CLVS1: variants seen among roughly 807,000 people sequenced by gnomAD.
CLVS1 encodes the protein clavesin 1, also known as clavesin-1.
Under a neutral mutation model 33.1 loss-of-function variants are expected in CLVS1, and 10 were observed. The ratio of observed to expected loss-of-function variants is 0.30; its 90% CI spans 0.19 to 0.51. CLVS1 has a LOEUF of 0.51. Ranked by LOEUF, CLVS1 falls within the 20% of genes least tolerant of loss-of-function variation. CLVS1 has a pLI of 0.97. For synonymous variants in CLVS1, 163 were observed against 166.1 expected, an observed-to-expected ratio of 0.98 and a Z score of 0.14; for missense variants, 343 against 433.4, an observed-to-expected ratio of 0.79 and a Z score of 1.85.
the CLVS1 span, among the ~76,000 whole-genome samples, chr8:61,011,934 A>G: frequency 6.6e-6 from 1 of 152,230 alleles, no homozygotes; most frequent in Non-Finnish European, 1.5e-5. Flanking sequence ...AGTGTCTTCC[A>G]TTCCCGCCTG....
chr8:61,121,735 AG>A (rs1805874729), intron 1 of CLVS1, among the ~76,000 whole-genome samples: 2 of 152,362 alleles, frequency 1.3e-5, no homozygotes, highest in African/African-American at 4.8e-5. Context: ...CAAAAACAGC[AG>A]GACAGTTCAT....
chr8:61,405,703 CTTTTTTTTT>C (rs775749517), intron 3 of CLVS1, among the ~76,000 whole-genome samples: 1 of 124,816 alleles, frequency 8.0e-6, no homozygotes, highest in Non-Finnish European at 1.7e-5. Context: ...GTGGAACTGA[CTTTTTTTTT>C]TTTTTTTTTT....
At chr8:61,212,328 C>T (rs776151253) in intron 2 of CLVS1, among the ~76,000 whole-genome samples, 19 of 152,102 alleles carry the variant, frequency 1.2e-4, no homozygotes, top group Non-Finnish European at 1.9e-4. Flanking sequence ...AGTGAGGTGG[C>T]GGGGGACATT....
intron 1 of CLVS1, among the ~76,000 whole-genome samples, chr8:61,111,167 G>GA (rs1157074370): frequency 2.0e-5 from 3 of 152,134 alleles, no homozygotes; most frequent in South Asian, 2.1e-4. Context: ...AGGAATTCCT[G>GA]AAAAAATGCA....
chr8:61,139,664 C>T (rs1806269460), intron 2 of CLVS1, among the ~76,000 whole-genome samples: 1 of 151,638 alleles, frequency 6.6e-6, no homozygotes, highest in South Asian at 2.1e-4. Context: ...CAGGGGGAGG[C>T]ACGGGGAGGG....
At chr8:61,394,365 C>T (rs112337318) in intron 3 of CLVS1, among the ~76,000 whole-genome samples, 3,140 of 152,154 alleles carry the variant, frequency 0.021, 91 homozygotes, top group African/African-American at 0.071. Context: ...TATTCAGGTT[C>T]CTTAGGTGAT....
chr8:61,038,741 G>T, the CLVS1 span, among the ~76,000 whole-genome samples: 1 of 152,230 alleles, frequency 6.6e-6, no homozygotes, highest in Admixed American at 6.5e-5. Flanking sequence ...TCTCAGGCCT[G>T]TTCATCAAAG....
chr8:61,195,929 CTA>C, intron 2 of CLVS1, among the ~76,000 whole-genome samples: 1 of 152,170 alleles, frequency 6.6e-6, no homozygotes, highest in South Asian at 2.1e-4. Context: ...ACAATCATTT[CTA>C]TAGACACTAT....
chr8:61,269,836 A>G (rs1480096486), intron 2 of CLVS1, among the ~76,000 whole-genome samples: 2 of 150,940 alleles, frequency 1.3e-5, no homozygotes, highest in Non-Finnish European at 2.9e-5. Context: ...GTGTATAAGA[A>G]TGCTTGTGAT....
intron 2 of CLVS1, among the ~76,000 whole-genome samples, chr8:61,187,870 TAATA>T (rs1807375410): frequency 6.6e-6 from 1 of 150,462 alleles, no homozygotes; most frequent in Non-Finnish European, 1.5e-5. Context: ...ATTTATTTAT[TAATA>T]TTTATTCTTT....
In CLVS1 at chr8:61,107,938, A is replaced by T. The variant is rs561002811; in HGVS notation, c.-242-23832A>T. 9.8e-5 allele frequency among the ~76,000 whole-genome samples: 15 copies of T among 152,304 alleles called. No homozygotes were observed. The East Asian group carries it at 2.9e-3, about 29-fold the overall frequency. On this transcript the variant is annotated intron_variant, in intron 1 of 2. Transcript: ENST00000522621. ...CAAATATTTATTGAGTGTTTACATCAGGCACTATTCTAGACACTTCGGATT... is the reference window on the plus strand; with the variant it reads ...CAAATATTTATTGAGTGTTTACATCTGGCACTATTCTAGACACTTCGGATT...
At chr8:61,256,874 G>C (rs1041341525) in intron 2 of CLVS1, among the ~76,000 whole-genome samples, 1 of 152,210 alleles carries the variant, frequency 6.6e-6, no homozygotes, top group African/African-American at 2.4e-5. Flanking sequence ...TTGGCTTAAA[G>C]AAGGCAAGTT....
chr8:61,234,484 A>G (rs1161492820), intron 2 of CLVS1, among the ~76,000 whole-genome samples: 1 of 152,198 alleles, frequency 6.6e-6, no homozygotes, highest in Non-Finnish European at 1.5e-5. Flanking sequence ...GACAACTAGA[A>G]GTGCATATAT....
intron 5 of CLVS1, among the ~76,000 whole-genome samples, chr8:61,488,848 C>T (rs1181447313): frequency 6.6e-6 from 1 of 152,214 alleles, no homozygotes. Flanking sequence ...CCTTCCCTGG[C>T]TCCCTTCTCC....
At chr8:61,196,246 T>C (rs1422986311) in intron 2 of CLVS1, among the ~76,000 whole-genome samples, 1 of 152,162 alleles carries the variant, frequency 6.6e-6, no homozygotes, top group Non-Finnish European at 1.5e-5. Flanking sequence ...AGAGATGGGC[T>C]CTAAACAGGT....
the CLVS1 span, among the ~76,000 whole-genome samples, chr8:60,990,535 G>A: frequency 6.6e-6 from 1 of 152,102 alleles, no homozygotes; most frequent in African/African-American, 2.4e-5. Flanking sequence ...GTTGAAGCTG[G>A]GATGAGTACC....
intron 3 of CLVS1, among the ~76,000 whole-genome samples, chr8:61,449,331 G>T (rs926757947): frequency 6.6e-6 from 1 of 152,218 alleles, no homozygotes; most frequent in African/African-American, 2.4e-5. Flanking sequence ...TTACTGACAG[G>T]TGGGGGAGGA....
chr8:61,195,335 C>A (rs1199146726), intron 2 of CLVS1, among the ~76,000 whole-genome samples: 1 of 151,542 alleles, frequency 6.6e-6, no homozygotes, highest in Admixed American at 6.6e-5. Context: ...TGATCCAAAT[C>A]AGGAATTAAA....
In CLVS1 at chr8:61,376,627, C is replaced by T. The variant is rs1465656591; in HGVS notation, c.478C>T (p.Arg160Cys). 6.2e-7 allele frequency: 1 copy of T among 1,613,998 alleles called. No homozygotes were observed. Among genetic ancestry groups the T allele is most frequent in the South Asian group, 1.1e-5 (1 of 91,068 alleles). ...CAGGAACTCCTTCACAGACATCCTT[C>T]GTGCCATCCTGCTGTCATTGGAAGT... ...QSRNSFTDIL[R>C]AILLSLEVLI... Residue 160 changes from arginine to cysteine, a missense_variant, in exon 3 of 6, where the codon CGT becomes TGT. By Grantham distance (180) the Arg-to-Cys change is radical. Transcript: ENST00000325897.
Sources: allele counts gnomAD v4.1 joint callset (sites outside exome capture counted in the v4.1 genomes callset), GRCh38; gene constraint gnomAD v4.1.1; transcripts MANE v1.5; gene names NCBI Gene and HGNC (gene_info 2026-07-23, HGNC 2026-07-21).